SLC24A2: variants seen among roughly 807,000 people sequenced by gnomAD.
SLC24A2 encodes sodium/potassium/calcium exchanger 2.
A neutral mutation model predicts 62.0 loss-of-function variants in SLC24A2; 36 were observed. The observed-to-expected ratio is 0.58, with a 90% CI of 0.44 to 0.77. The LOEUF is 0.77. Ranked by LOEUF, SLC24A2 falls within the 30% of genes least tolerant of loss-of-function variation. SLC24A2 has a pLI of 0.00. For missense variants in SLC24A2, 846 were observed against 817.9 expected (o/e 1.03, Z -0.42); for synonymous variants, 358 against 294.0 (o/e 1.22, Z -2.23).
chr9:19,551,452 A>C (rs1834842497), intron 7 of SLC24A2, among the ~76,000 whole-genome samples: 3 of 152,146 alleles, frequency 2.0e-5, no homozygotes, highest in Non-Finnish European at 4.4e-5. Flanking sequence ...CTGTCAGCTG[A>C]GCCCTCAATA....
the SLC24A2 span, among the ~76,000 whole-genome samples, chr9:19,829,931 A>C: frequency 6.6e-6 from 1 of 151,554 alleles, no homozygotes; most frequent in South Asian, 2.1e-4. Flanking sequence ...ATTTTATTTT[A>C]TTTGGATTCT....
chr9:20,019,712 T>A, the SLC24A2 span, among the ~76,000 whole-genome samples: 1,154 of 152,156 alleles, frequency 7.6e-3, 15 homozygotes, highest in Non-Finnish European at 0.011. Context: ...AAAGCCAAAA[T>A]TGACAAATGG....
the SLC24A2 span, among the ~76,000 whole-genome samples, chr9:19,884,060 T>C: frequency 6.6e-6 from 1 of 152,194 alleles, no homozygotes; most frequent in African/African-American, 2.4e-5. Flanking sequence ...GTGATAATAA[T>C]AGGACGAATG....
At chr9:19,615,856 A>G (rs970439098) in intron 4 of SLC24A2, among the ~76,000 whole-genome samples, 2 of 152,128 alleles carry the variant, frequency 1.3e-5, no homozygotes, top group Non-Finnish European at 2.9e-5. Context: ...TTATCTCACA[A>G]AAACAAAACA....
chr9:19,815,170 A>G, the SLC24A2 span, among the ~76,000 whole-genome samples: 5 of 152,194 alleles, frequency 3.3e-5, no homozygotes, highest in Non-Finnish European at 5.9e-5. Flanking sequence ...TTCTGAGAGT[A>G]AGAGCTCTCT....
Position 19,757,854 on chromosome 9 carries a change from G to A in SLC24A2, c.930+28083C>T, listed in dbSNP as rs1022566493. 4.6e-5 allele frequency among the ~76,000 whole-genome samples: 7 copies of A among 152,092 alleles called. 1 individual carries two copies. Among genetic ancestry groups the A allele is most frequent in the Admixed American group, 4.6e-4 (7 of 15,252 alleles). ...TGGTAGTGAGTTCTCCCTCTGGCAA[G>A]ACTGTATTATTACTCTTGAGAATAG... On this transcript the variant is annotated intron_variant, in intron 2 of 10. Transcript: ENST00000341998.
chr9:19,709,458 A>G (rs973719721), intron 2 of SLC24A2, among the ~76,000 whole-genome samples: 1 of 152,142 alleles, frequency 6.6e-6, no homozygotes, highest in African/African-American at 2.4e-5. Context: ...ATGCACACGT[A>G]TGTTTATTGC....
chr9:19,828,088 A>G, the SLC24A2 span, among the ~76,000 whole-genome samples: 2 of 152,186 alleles, frequency 1.3e-5, no homozygotes, highest in African/African-American at 2.4e-5. Flanking sequence ...AAATAGTCCT[A>G]TGATGATTCC....
the SLC24A2 span, among the ~76,000 whole-genome samples, chr9:19,875,960 A>G: frequency 1.3e-5 from 2 of 152,194 alleles, no homozygotes; most frequent in Non-Finnish European, 2.9e-5. Context: ...CAATACTTCA[A>G]AACAAAGTTT....
At chr9:19,560,508 G>A (rs185083148) in intron 7 of SLC24A2, among the ~76,000 whole-genome samples, 1 of 152,166 alleles carries the variant, frequency 6.6e-6, no homozygotes, top group African/African-American at 2.4e-5. Context: ...CATGCACCAA[G>A]GGAAAGCCAC....
intron 5 of SLC24A2, among the ~76,000 whole-genome samples, chr9:19,581,158 G>A (rs951938611): frequency 4.9e-4 from 75 of 152,164 alleles, no homozygotes; most frequent in African/African-American, 1.8e-3. Context: ...TCAGACCCAG[G>A]AGTTTAAGCA....
chr9:20,004,883 G>A, the SLC24A2 span, among the ~76,000 whole-genome samples: 10 of 151,660 alleles, frequency 6.6e-5, no homozygotes, highest in African/African-American at 2.4e-4. Flanking sequence ...TCTGAATGAG[G>A]AAAACTTGAA....
chr9:19,898,150 A>C, the SLC24A2 span, among the ~76,000 whole-genome samples: 2 of 152,134 alleles, frequency 1.3e-5, no homozygotes, highest in African/African-American at 4.8e-5. Flanking sequence ...AGAGATTGTG[A>C]GGGGATCTGA....
chr9:20,300,428 T>C, the SLC24A2 span, among the ~76,000 whole-genome samples: 2 of 152,228 alleles, frequency 1.3e-5, no homozygotes, highest in Non-Finnish European at 2.9e-5. Flanking sequence ...ATGGAACTAT[T>C]GTGAGAAACT....
the SLC24A2 span, among the ~76,000 whole-genome samples, chr9:19,881,001 C>T: frequency 6.6e-6 from 1 of 152,158 alleles, no homozygotes; most frequent in Admixed American, 6.6e-5. Context: ...CTTCTCTATG[C>T]CTCCCTTTTC....
In SLC24A2 at chr9:19,786,417, G is replaced by A. The variant is rs1381033912; in HGVS notation, c.450C>T (p.Ala150=). 2.5e-6 allele frequency: 4 copies of A among 1,614,032 alleles called. No individual in the cohort carries two copies. The highest frequency in any genetic ancestry group is 1.6e-4 in the Middle Eastern group (1 of 6,084). The change falls in exon 2 of 11, where the codon GCC becomes GCT. Residue 150 remains alanine (A), a synonymous_variant. Coordinates refer to ENST00000341998, the MANE Select transcript of SLC24A2 (RefSeq NM_020344.4). This position sits in a 1 kb window ranked among gnomAD's most constrained non-coding sequence, Gnocchi z 5.0. The part of the protein sequence containing the change: ...IGMIYMFIAL[A]IVCDEFFVPS... The stretch of plus-strand genomic sequence containing the variant: ...GAACAAAGAACTCATCACAGACAAT[G>A]GCTAAGGCTATGAACATGTAGATCA...
intron 2 of SLC24A2, among the ~76,000 whole-genome samples, chr9:19,702,753 C>G (rs578019885): frequency 6.6e-6 from 1 of 152,172 alleles, no homozygotes; most frequent in Non-Finnish European, 1.5e-5. Flanking sequence ...AGTGTTTTAT[C>G]TTGAGTTACC....
chr9:19,738,218 C>A (rs1821566589), intron 2 of SLC24A2, among the ~76,000 whole-genome samples: 1 of 152,136 alleles, frequency 6.6e-6, no homozygotes, highest in Admixed American at 6.6e-5. Context: ...AGTCTTCTTT[C>A]ATGGAAAAGC....
At chr9:20,019,103 T>TAGAA in the SLC24A2 span, among the ~76,000 whole-genome samples, 170 of 84,776 alleles carry the variant, frequency 2.0e-3, 1 homozygote, top group East Asian at 0.013. Context: ...GAAAGAAAGA[T>TAGAA]AGAAAGAAAG....
Sources: gnomAD v4.1 joint callset for allele counts (sites outside exome capture counted in the v4.1 genomes callset) on GRCh38, gnomAD v4.1.1 for gene constraint, Gnocchi (gnomAD v3.1) non-coding constraint, MANE v1.5 for transcripts, NCBI Gene and HGNC (gene_info 2026-07-23, HGNC 2026-07-21) for gene names.